The following ELAPOR1 variants were observed in gnomAD, a reference collection of about 807,000 sequenced individuals.
The protein encoded by ELAPOR1 is endosome/lysosome-associated apoptosis and autophagy regulator 1.
ELAPOR1 carries 77 observed loss-of-function variants against 119.7 expected under a neutral mutation model. The ratio of observed to expected loss-of-function variants is 0.64; its 90% CI spans 0.54 to 0.78. The LOEUF (loss-of-function observed/expected upper bound fraction) is 0.78. Among genes scored for constraint, ELAPOR1 ranks in the 30% least tolerant of loss-of-function variants. The pLI is 0.00. For synonymous variants in ELAPOR1, 481 were observed against 487.2 expected (o/e 0.99, Z 0.17); for missense variants, 1,115 against 1,270.4 (o/e 0.88, Z 1.86).
chr1:109,163,248 A>G (rs1651373050), intron 2 of ELAPOR1, among the ~76,000 whole-genome samples: 1 of 152,170 alleles, frequency 6.6e-6, no homozygotes, highest in South Asian at 2.1e-4. Context: ...AGGTGAAAAA[A>G]GATTTGTAGT....
intron 15 of ELAPOR1, among the ~76,000 whole-genome samples, chr1:109,195,972 A>C (rs1013634765): frequency 5.3e-5 from 8 of 152,214 alleles, no homozygotes; most frequent in Non-Finnish European, 1.2e-4. Context: ...CCTGGTCAAC[A>C]TGGTGAAACC....
At chr1:109,184,504 T>C (rs536088700) in intron 7 of ELAPOR1, among the ~76,000 whole-genome samples, 2 of 152,180 alleles carry the variant, frequency 1.3e-5, no homozygotes, top group Admixed American at 6.5e-5. Context: ...GAAAAGGAAA[T>C]TTCCAAGGTG....
At position 109,189,130 on chromosome 1, in the gene ELAPOR1, G is replaced by C; in HGVS notation, c.1284G>C (p.Thr428=). 6.2e-7 allele frequency: 1 copy of C among 1,614,120 alleles called. No individual in the cohort carries two copies. Among genetic ancestry groups the C allele is most frequent in the Non-Finnish European group, 8.5e-7 (1 of 1,179,992 alleles). Residue 428 remains threonine (T), a synonymous_variant, in exon 10 of 22, where the codon ACG becomes ACC. Coordinates refer to ENST00000369939, the MANE Select transcript of ELAPOR1 (RefSeq NM_020775.5). ...AVGFEYKWWN[T]LPTNMETTVL... Reference sequence around the variant, plus strand: ...GATTTGAATACAAATGGTGGAACACGCTGCCCACAAACATGGAAACGACCG... The same window carrying C: ...GATTTGAATACAAATGGTGGAACACCCTGCCCACAAACATGGAAACGACCG...
intron 1 of ELAPOR1, among the ~76,000 whole-genome samples, chr1:109,123,418 T>C (rs919896743): frequency 1.3e-5 from 2 of 152,212 alleles, no homozygotes; most frequent in Non-Finnish European, 2.9e-5. Context: ...CATCTTTCTA[T>C]AAAGACGACA....
intron 20 of ELAPOR1, 125 bp from the exon 21 acceptor site, chr1:109,200,610 A>T: frequency 1.2e-6 from 1 of 855,662 alleles, no homozygotes; most frequent in Non-Finnish European, 1.8e-6. Context: ...ACACCATTTT[A>T]CCATGCTTCA....
At chr1:109,132,088 G>A (rs1476499114) in intron 1 of ELAPOR1, among the ~76,000 whole-genome samples, 1 of 152,178 alleles carries the variant, frequency 6.6e-6, no homozygotes, top group African/African-American at 2.4e-5. Flanking sequence ...AATGGAGCCA[G>A]AGGAACTAAT....
chr1:109,118,221 G>A (rs1648152640), intron 1 of ELAPOR1, among the ~76,000 whole-genome samples: 1 of 152,200 alleles, frequency 6.6e-6, no homozygotes, highest in Admixed American at 6.5e-5. Flanking sequence ...CATTTCAGTA[G>A]GCAGAGATGG....
At chr1:109,145,364 T>C (rs370242796) in intron 1 of ELAPOR1, among the ~76,000 whole-genome samples, 2 of 152,242 alleles carry the variant, frequency 1.3e-5, no homozygotes, top group African/African-American at 4.8e-5. Flanking sequence ...CAATATTCAT[T>C]GAAATTTAAG....
intron 21 of ELAPOR1, chr1:109,201,354 G>A: frequency 4.4e-6 from 2 of 456,414 alleles, no homozygotes; most frequent in Middle Eastern, 3.4e-4. Context: ...CTGAATCATA[G>A]TTCAGTCTCA....
At chr1:109,190,936 C>T (rs1419041638) in intron 11 of ELAPOR1, among the ~76,000 whole-genome samples, 2 of 152,270 alleles carry the variant, frequency 1.3e-5, no homozygotes, top group South Asian at 2.1e-4. Flanking sequence ...TAAATGTGCA[C>T]ACGAATCGCC....
Position 109,197,498 on chromosome 1 carries a change from G to A in ELAPOR1, c.2146G>A (p.Asp716Asn), listed in dbSNP as rs774452212. The A allele has an allele frequency of 1.1e-5, 18 of 1,613,924 alleles. No homozygotes were observed. The highest frequency in any genetic ancestry group is 7.7e-5 in the South Asian group (7 of 91,074). ...NQGRKMSVCT[D>N]NVTDLRIPEG... ...GGGTAGGAAAATGTCTGTGTGCACC[G>A]ACAATGTCACTGACCTCCGGATTCC... The change falls in exon 16 of 22, where the codon GAC (aspartate) becomes AAC (asparagine). Residue 716 changes from aspartate (D) to asparagine (N), a missense_variant. Asp to Asn is a conservative substitution (Grantham distance 23, BLOSUM62 1). Transcript: ENST00000369939.
intron 1 of ELAPOR1, among the ~76,000 whole-genome samples, chr1:109,156,103 C>T (rs1650858101): frequency 6.6e-6 from 1 of 152,054 alleles, no homozygotes; most frequent in South Asian, 2.1e-4. Context: ...TGTGATTGCA[C>T]CACTGCACTC....
chr1:109,136,599 C>T (rs1464973942), intron 1 of ELAPOR1, among the ~76,000 whole-genome samples: 3 of 152,144 alleles, frequency 2.0e-5, no homozygotes, highest in African/African-American at 7.2e-5. Flanking sequence ...GAACAGGGCA[C>T]ATTGAGGAGA....
intron 21 of ELAPOR1, chr1:109,201,299 T>TG (rs573765055): frequency 6.6e-6 from 3 of 457,476 alleles, no homozygotes; most frequent in East Asian, 6.9e-5. Flanking sequence ...CTTTGACCAG[T>TG]GGGGGGTGCT....
chr1:109,159,175 G>T (rs1205391953), intron 1 of ELAPOR1, among the ~76,000 whole-genome samples: 1 of 152,144 alleles, frequency 6.6e-6, no homozygotes, highest in Non-Finnish European at 1.5e-5. Flanking sequence ...ATTACAGCGT[G>T]AGCCACCGTG....
intron 1 of ELAPOR1, among the ~76,000 whole-genome samples, chr1:109,144,061 A>ATATATATATATATATATATATTTT: frequency 1.1e-5 from 1 of 89,016 alleles, no homozygotes; most frequent in African/African-American, 4.8e-5. Flanking sequence ...ATATTTATAT[A>ATATATATATATATATATATATTTT]TTTTTTTTTT....
intron 1 of ELAPOR1, among the ~76,000 whole-genome samples, chr1:109,141,538 G>C (rs1185482079): frequency 6.6e-6 from 1 of 152,118 alleles, no homozygotes; most frequent in Non-Finnish European, 1.5e-5. Context: ...TGGGATTACA[G>C]GAGTGAGCCA....
intron 1 of ELAPOR1, among the ~76,000 whole-genome samples, chr1:109,144,049 ATATATT>A (rs1196589171): frequency 4.5e-5 from 2 of 44,814 alleles, no homozygotes; most frequent in Non-Finnish European, 4.9e-5. Flanking sequence ...ATATATATAT[ATATATT>A]TATATATTTT....
intron 21 of ELAPOR1, among the ~76,000 whole-genome samples, chr1:109,202,170 T>C (rs144218678): frequency 0.018 from 2,753 of 152,284 alleles, 92 homozygotes; most frequent in African/African-American, 0.063. Context: ...TGGAGTGCAG[T>C]GGCATGATCT....
Sources: allele counts gnomAD v4.1 joint callset (sites outside exome capture counted in the v4.1 genomes callset), GRCh38; gene constraint gnomAD v4.1.1; transcripts MANE v1.5; gene names NCBI Gene and HGNC (gene_info 2026-07-23, HGNC 2026-07-21).